IKBIP: variants seen among roughly 807,000 people sequenced by gnomAD.
IKBIP encodes inhibitor of nuclear factor kappa-B kinase-interacting protein.
In IKBIP, 28 loss-of-function variants were observed where a neutral mutation model predicts 31.0. The observed-to-expected ratio is 0.90, with a 90% CI of 0.67 to 1.24. The LOEUF (loss-of-function observed/expected upper bound fraction) is 1.24. Among genes scored for constraint, IKBIP ranks in the 50% most tolerant of loss-of-function variants. The pLI, the probability that IKBIP is intolerant of heterozygous loss-of-function variation, is 0.00. For synonymous variants in IKBIP, 164 were observed against 160.3 expected (o/e 1.02, Z -0.17); for missense variants, 453 against 441.9 (o/e 1.03, Z -0.23).
chr12:98,631,207 T>TAC (rs2097619873), intron 2 of IKBIP, among the ~76,000 whole-genome samples: 1 of 151,758 alleles, frequency 6.6e-6, no homozygotes, highest in Non-Finnish European at 1.5e-5. Context: ...GTGCTGGGAT[T>TAC]ACAGGTGTGA....
At chr12:98,637,201 TAAAA>T (rs536119299) in intron 1 of IKBIP, among the ~76,000 whole-genome samples, 2,045 of 151,356 alleles carry the variant, frequency 0.014, 33 homozygotes, top group African/African-American at 0.044. Context: ...CTTACTAAAA[TAAAA>T]AAAAATTCAT....
At chr12:98,637,050 C>T (rs928721572) in intron 1 of IKBIP, among the ~76,000 whole-genome samples, 7 of 152,136 alleles carry the variant, frequency 4.6e-5, no homozygotes, top group African/African-American at 1.7e-4. Flanking sequence ...AAGAGACTTT[C>T]GTATGAAGGT....
At chr12:98,639,838 C>T (rs2097628830) in intron 1 of IKBIP, among the ~76,000 whole-genome samples, 1 of 152,222 alleles carries the variant, frequency 6.6e-6, no homozygotes, top group Admixed American at 6.5e-5. Flanking sequence ...GGTCAGTACC[C>T]ATTTAGCCCT....
intron 2 of IKBIP, among the ~76,000 whole-genome samples, chr12:98,630,900 A>AG (rs2153298521): frequency 6.6e-6 from 1 of 151,604 alleles, no homozygotes; most frequent in East Asian, 1.9e-4. Flanking sequence ...TGGGAGAAAA[A>AG]GCTACGAAAA....
rs189346795 is a variant in IKBIP at position 98,625,661 on chromosome 12, C to T, written c.*269G>A. 2.5e-3 allele frequency: 485 copies of T among 197,400 alleles called. 1 individual carries two copies. The highest frequency in any genetic ancestry group is 5.7e-3 in the Admixed American group (97 of 17,046). 12.2% of individuals were successfully genotyped at this position (197,400 alleles called of 1,614,324 possible). ...AAATTAATGATGATGTTCATTAATG[C>T]TTTAAAAAACATTAAAAATATTAAG... On this transcript the variant is annotated 3_prime_UTR_variant, in exon 3 of 3. Coordinates refer to ENST00000299157, the MANE Select transcript of IKBIP (RefSeq NM_153687.4).
chr12:98,619,632 G>A (rs1433036508), downstream of IKBIP, among the ~76,000 whole-genome samples: 1 of 152,130 alleles, frequency 6.6e-6, no homozygotes, highest in Non-Finnish European at 1.5e-5. Context: ...ATCAGTGAAG[G>A]CTGGGGATGG....
In IKBIP at chr12:98,639,663, T is replaced by C. The variant is rs747681652; in HGVS notation, c.179+4860A>G. 2.0e-5 allele frequency among the ~76,000 whole-genome samples: 3 copies of C among 152,212 alleles called. No individual in the cohort carries two copies. In the East Asian group the frequency reaches 5.8e-4, roughly 29 times the overall value. On this transcript the variant is annotated intron_variant, in intron 1 of 2. Transcript: ENST00000299157. ...ATTAATGGTGTGTGTTGCCTCTGAA[T>C]AGCTCCTTTAGGAACGTTAAATGGT... is the stretch of plus-strand genomic sequence containing the variant.
intron 1 of IKBIP, among the ~76,000 whole-genome samples, chr12:98,643,087 G>A (rs937495259): frequency 1.3e-5 from 2 of 151,890 alleles, no homozygotes; most frequent in East Asian, 3.9e-4. Context: ...TGAATAGCTG[G>A]GATTGCAGGT....
chr12:98,626,965 T>TTTTA (rs377000418), intron 2 of IKBIP, among the ~76,000 whole-genome samples, 199 bp from the exon 3 acceptor site: 1 of 152,090 alleles, frequency 6.6e-6, no homozygotes, highest in Non-Finnish European at 1.5e-5. Context: ...CCCTGCATTG[T>TTTTA]TTTATTTATT....
chr12:98,628,374 C>T (rs1470308755), intron 2 of IKBIP, among the ~76,000 whole-genome samples: 1 of 152,234 alleles, frequency 6.6e-6, no homozygotes, highest in Non-Finnish European at 1.5e-5. Context: ...CTTTTAAAAA[C>T]TGGTATGCCT....
chr12:98,634,461 A>C (rs549373376), intron 1 of IKBIP, 48 bp from the exon 2 acceptor site: 1 of 955,312 alleles, frequency 1.0e-6, no homozygotes, highest in African/African-American at 1.6e-5. Context: ...TATCCATTTA[A>C]ATCCGAATTT....
downstream of IKBIP, among the ~76,000 whole-genome samples, chr12:98,623,560 C>CTTTTTTTT (rs35433597): frequency 6.2e-5 from 4 of 64,190 alleles, no homozygotes; most frequent in East Asian, 5.6e-4. Context: ...CCTCCTTACA[C>CTTTTTTTT]TTTTTTTTTT....
At chr12:98,639,753 T>G (rs1441858692) in intron 1 of IKBIP, among the ~76,000 whole-genome samples, 1 of 152,150 alleles carries the variant, frequency 6.6e-6, no homozygotes, top group Non-Finnish European at 1.5e-5. Flanking sequence ...AGCTTAATAA[T>G]GAAAAAGAGG....
At chr12:98,644,411 A>G in intron 1 of IKBIP, 112 bp downstream of exon 1, 1 of 1,020,558 alleles carries the variant, frequency 9.8e-7, no homozygotes, top group Non-Finnish European at 1.4e-6. Flanking sequence ...GAGGCACAGA[A>G]GGCCCAGGTC....
exon 3 of IKBIP, chr12:98,614,121 T>G: frequency 6.2e-7 from 1 of 1,613,512 alleles, no homozygotes; most frequent in South Asian, 1.1e-5. Flanking sequence ...TTTACACTTG[T>G]AATCTTGAGA....
intron 2 of IKBIP, among the ~76,000 whole-genome samples, chr12:98,633,052 G>A (rs970290458): frequency 2.0e-5 from 3 of 152,224 alleles, no homozygotes; most frequent in Non-Finnish European, 2.9e-5. Flanking sequence ...TTCCTCCATG[G>A]CTTTTCTCTT....
At chr12:98,619,411 T>C (rs563725870), downstream of IKBIP, among the ~76,000 whole-genome samples, 10 of 152,362 alleles carry the variant, frequency 6.6e-5, no homozygotes, top group East Asian at 1.9e-3. Context: ...GAAGAAGCTG[T>C]TAGTAAACCT....
At position 98,625,883 on chromosome 12, in the gene IKBIP, T is replaced by C; in HGVS notation, c.*47A>G. 1 of 1,319,730 alleles carries C rather than the reference T, an allele frequency of 7.6e-7. No homozygotes were observed. The highest frequency in any genetic ancestry group is 9.9e-7 in the Non-Finnish European group (1 of 1,007,238). The allele number at this position is 1,319,730 out of a possible 1,614,324, so 81.8% of individuals were successfully genotyped here. A position where few individuals can be genotyped will look rare whatever the true frequency, so the allele number is the denominator to read the frequency against. ...AAGTAACTCAAAATCAATGGACTAA[T>C]CAATTTATGTATAATGATATGGTTC... On this transcript the variant is annotated 3_prime_UTR_variant, in exon 3 of 3. Coordinates refer to ENST00000299157, the MANE Select transcript of IKBIP (RefSeq NM_153687.4).
In IKBIP at chr12:98,625,483, A is replaced by G. The variant is rs2097613408; in HGVS notation, c.*447T>C. 5 of 190,426 alleles carry G rather than the reference A, an allele frequency of 2.6e-5. No individual in the cohort carries two copies. The highest frequency in any genetic ancestry group is 4.9e-5 in the Non-Finnish European group (5 of 103,044). 11.8% of individuals were successfully genotyped at this position (190,426 alleles called of 1,614,324 possible). A position where few individuals can be genotyped will look rare whatever the true frequency, so the allele number is the denominator to read the frequency against. ...AGAAAGTGAACTGGCTGAGGCAGGC[A>G]CATTACCAACCAACCTGACAGTAAG... is the stretch of plus-strand genomic sequence containing the variant. On this transcript the variant is annotated 3_prime_UTR_variant, in exon 3 of 3. Coordinates refer to ENST00000299157, the MANE Select transcript of IKBIP (RefSeq NM_153687.4).
Sources: allele counts gnomAD v4.1 joint callset (sites outside exome capture counted in the v4.1 genomes callset), GRCh38; gene constraint gnomAD v4.1.1; transcripts MANE v1.5; gene names NCBI Gene and HGNC (gene_info 2026-07-23, HGNC 2026-07-21).